The following LDLRAD4 variants were observed in gnomAD, a reference collection of about 807,000 sequenced individuals.
LDLRAD4 encodes low-density lipoprotein receptor class A domain-containing protein 4.
LDLRAD4 carries 5 observed loss-of-function variants against 17.0 expected under a neutral mutation model. That is an observed-to-expected ratio of 0.29 (90% CI 0.15 to 0.62). The LOEUF (loss-of-function observed/expected upper bound fraction) is 0.62. LDLRAD4 is among the 20% of genes least tolerant of loss of function. The probability of loss-of-function intolerance (pLI) is 0.84; values close to 1 mark genes in which losing one functional copy is unlikely to be tolerated. For synonymous variants in LDLRAD4, 168 were observed against 171.8 expected (o/e 0.98, Z 0.17); for missense variants, 340 against 424.7 (o/e 0.80, Z 1.75).
intron 3 of LDLRAD4, among the ~76,000 whole-genome samples, chr18:13,470,241 A>G (rs151157680): frequency 3.7e-4 from 57 of 152,176 alleles, no homozygotes; most frequent in Admixed American, 1.6e-3. Context: ...GAGTCTCTTG[A>G]CTTTCTTCAG....
chr18:13,384,257 G>A (rs1274682284), intron 1 of LDLRAD4, among the ~76,000 whole-genome samples: 3 of 152,306 alleles, frequency 2.0e-5, no homozygotes, highest in Non-Finnish European at 2.9e-5. Flanking sequence ...CATGTGGGAT[G>A]TATGATAACT....
At chr18:13,285,253 T>A (rs183542410) in intron 1 of LDLRAD4, among the ~76,000 whole-genome samples, 1 of 152,086 alleles carries the variant, frequency 6.6e-6, no homozygotes, top group Non-Finnish European at 1.5e-5. Context: ...AGGGCTTTGA[T>A]AGGATTCTCA....
In LDLRAD4 at chr18:13,573,207, C is replaced by G. The variant is rs192683009; in HGVS notation, c.182-47910C>G. ...GCAGCCTCCGCCTCCCGGGTTGAAG[C>G]GATTCTTTTGCCTCAGCCTCTTAAG... On this transcript the variant is annotated intron_variant, in intron 3 of 5. Coordinates refer to ENST00000359446, the Ensembl canonical transcript of LDLRAD4. 2.0e-3 allele frequency among the ~76,000 whole-genome samples: 302 copies of G among 152,308 alleles called. 3 individuals are homozygous for G. Among genetic ancestry groups the G allele is most frequent in the East Asian group, 4.4e-3 (23 of 5,190 alleles).
chr18:13,227,024 C>G (rs779666648), intron 1 of LDLRAD4, among the ~76,000 whole-genome samples: 1 of 152,202 alleles, frequency 6.6e-6, no homozygotes, highest in African/African-American at 2.4e-5. Flanking sequence ...GGACCTCACA[C>G]TCTTTGCTAG....
intron 2 of LDLRAD4, among the ~76,000 whole-genome samples, chr18:13,430,619 C>A (rs113898254): frequency 6.6e-6 from 1 of 152,142 alleles, no homozygotes; most frequent in Non-Finnish European, 1.5e-5. Context: ...GGGTGTTTTT[C>A]GGTCTGCATA....
At chr18:13,232,624 TCCCCA>T (rs2042136859) in intron 1 of LDLRAD4, among the ~76,000 whole-genome samples, 1 of 152,154 alleles carries the variant, frequency 6.6e-6, no homozygotes, top group Non-Finnish European at 1.5e-5. Flanking sequence ...CCGCATCCCT[TCCCCA>T]GCTCAGCTAT....
At chr18:13,369,252 A>C (rs1483887828) in intron 1 of LDLRAD4, among the ~76,000 whole-genome samples, 1 of 152,162 alleles carries the variant, frequency 6.6e-6, no homozygotes, top group Non-Finnish European at 1.5e-5. Flanking sequence ...TTTATAGAGC[A>C]CCTGTATTTG....
At chr18:13,327,933 C>T (rs1201055019) in intron 1 of LDLRAD4, among the ~76,000 whole-genome samples, 2 of 152,122 alleles carry the variant, frequency 1.3e-5, no homozygotes, top group Non-Finnish European at 2.9e-5. Flanking sequence ...TGAATGGACC[C>T]CCTCTTGGCC....
At chr18:13,472,089 A>T (rs1339430294) in intron 3 of LDLRAD4, 1 of 152,192 alleles carries the variant, frequency 6.6e-6, no homozygotes, top group East Asian at 1.9e-4. Flanking sequence ...CCCACCTCCC[A>T]GCCAACCCCC....
At chr18:13,397,908 G>T (rs2086832355) in intron 2 of LDLRAD4, among the ~76,000 whole-genome samples, 1 of 152,230 alleles carries the variant, frequency 6.6e-6, no homozygotes, top group African/African-American at 2.4e-5. Context: ...CTGTTTCACA[G>T]AGCTGACATA....
At chr18:13,283,042 G>A (rs1468753363) in intron 1 of LDLRAD4, among the ~76,000 whole-genome samples, 1 of 152,182 alleles carries the variant, frequency 6.6e-6, no homozygotes, top group Admixed American at 6.5e-5. Context: ...GCCACTTCTG[G>A]TGTGGCTGGG....
intron 3 of LDLRAD4, among the ~76,000 whole-genome samples, chr18:13,588,021 G>A (rs2094957218): frequency 6.6e-6 from 1 of 152,076 alleles, no homozygotes. Flanking sequence ...AAGCCTTTTT[G>A]TATGAGTCGC....
chr18:13,597,578 C>T (rs552948883), intron 3 of LDLRAD4, among the ~76,000 whole-genome samples: 37 of 150,988 alleles, frequency 2.5e-4, no homozygotes, highest in African/African-American at 9.0e-4. Context: ...TTAATGATGT[C>T]TTGTGTTTTT....
intron 1 of LDLRAD4, among the ~76,000 whole-genome samples, chr18:13,293,584 C>T (rs148681001): frequency 4.6e-5 from 7 of 152,312 alleles, no homozygotes; most frequent in South Asian, 4.1e-4. Flanking sequence ...ATTGCTGTCA[C>T]AGAAGGAGAG....
intron 1 of LDLRAD4, among the ~76,000 whole-genome samples, chr18:13,232,488 T>G (rs1260847409): frequency 6.6e-6 from 1 of 150,962 alleles, no homozygotes; most frequent in Non-Finnish European, 1.5e-5. Context: ...GTCCGGGGGC[T>G]GCTGCTGCCC....
intron 3 of LDLRAD4, among the ~76,000 whole-genome samples, chr18:13,579,366 G>A (rs1291011282): frequency 6.6e-6 from 1 of 152,106 alleles, no homozygotes; most frequent in Non-Finnish European, 1.5e-5. Flanking sequence ...ATTTTTATAT[G>A]TAGTCATCTG....
At chr18:13,412,107 T>C (rs994110854) in intron 2 of LDLRAD4, among the ~76,000 whole-genome samples, 2 of 152,186 alleles carry the variant, frequency 1.3e-5, no homozygotes, top group Non-Finnish European at 2.9e-5. Flanking sequence ...GCCTCCCAAG[T>C]GTTGAGATTA....
chr18:13,246,235 GCCATCAC>G (rs945644992), intron 1 of LDLRAD4, among the ~76,000 whole-genome samples: 4 of 152,230 alleles, frequency 2.6e-5, no homozygotes, highest in Admixed American at 1.3e-4. Flanking sequence ...GTGGTCTGCG[GCCATCAC>G]TGACTTCAGG....
intron 3 of LDLRAD4, among the ~76,000 whole-genome samples, chr18:13,585,113 A>G (rs534928600): frequency 6.6e-6 from 1 of 152,310 alleles, no homozygotes; most frequent in Admixed American, 6.5e-5. Context: ...GTCTGGCCCC[A>G]TTGCCGATGG....
Sources: allele counts gnomAD v4.1 joint callset (sites outside exome capture counted in the v4.1 genomes callset), GRCh38; gene constraint gnomAD v4.1.1; transcripts MANE v1.5; gene names NCBI Gene and HGNC (gene_info 2026-07-23, HGNC 2026-07-21).